The following ANK2 variants were observed in gnomAD, a reference collection of about 807,000 sequenced individuals.
ANK2 encodes ankyrin 2.
In ANK2, 83 loss-of-function variants were observed where a neutral mutation model predicts 360.5. The ratio of observed to expected loss-of-function variants is 0.23; its 90% confidence interval spans 0.19 to 0.28. The LOEUF (loss-of-function observed/expected upper bound fraction) is 0.28, where lower values mean the gene tolerates loss of function less well. Among genes scored for constraint, ANK2 ranks in the 10% least tolerant of loss-of-function variants. The pLI, the probability that ANK2 is intolerant of heterozygous loss-of-function variation, is 1.00. For missense variants in ANK2, 4,201 were observed against 4,795.7 expected (o/e 0.88, Z 3.66); for synonymous variants, 1,740 against 1,759.5 (o/e 0.99, Z 0.28).
At chr4:113,215,705 A>G (rs72673488) in intron 4 of ANK2, among the ~76,000 whole-genome samples, 16,369 of 152,164 alleles carry the variant, frequency 0.11, 1,034 homozygotes, top group East Asian at 0.18. Flanking sequence ...ACTATATACC[A>G]TATGCCAAGC....
intron 1 of ANK2, among the ~76,000 whole-genome samples, chr4:113,152,990 A>G (rs975718352): frequency 1.3e-5 from 2 of 152,194 alleles, no homozygotes; most frequent in African/African-American, 4.8e-5. Context: ...TCTTAAAGCT[A>G]TGTGAAAGCC....
intron 30 of ANK2, 189 bp downstream of exon 30, chr4:113,336,246 G>C: frequency 1.6e-6 from 1 of 619,180 alleles, no homozygotes; most frequent in East Asian, 2.9e-5. Flanking sequence ...CTTATATTTG[G>C]ACAATTAACC....
intron 2 of ANK2, among the ~76,000 whole-genome samples, chr4:112,950,961 A>G (rs996146864): frequency 8.0e-5 from 12 of 150,008 alleles, no homozygotes; most frequent in African/African-American, 2.7e-4. Context: ...GGGCGCCTGT[A>G]GTCCCAGCTA....
At chr4:112,999,592 C>T (rs28444313) in intron 2 of ANK2, among the ~76,000 whole-genome samples, 25,379 of 151,726 alleles carry the variant, frequency 0.17, 2,087 homozygotes, top group African/African-American at 0.22. Flanking sequence ...GAATACAAAG[C>T]CAGTGGTGAT....
chr4:113,170,903 G>T (rs1241802279), intron 1 of ANK2, among the ~76,000 whole-genome samples: 1 of 152,150 alleles, frequency 6.6e-6, no homozygotes, highest in Non-Finnish European at 1.5e-5. Flanking sequence ...AATAGGTGGG[G>T]CTCAGCATTG....
the ANK2 span, among the ~76,000 whole-genome samples, chr4:112,794,679 T>C: frequency 6.6e-6 from 1 of 152,216 alleles, no homozygotes; most frequent in African/African-American, 2.4e-5. Context: ...AGAAGCACTT[T>C]CTTCTGCCAT....
intron 39 of ANK2, among the ~76,000 whole-genome samples, chr4:113,362,544 A>T (rs991561783): frequency 2.6e-5 from 4 of 152,172 alleles, no homozygotes; most frequent in Admixed American, 6.6e-5. Flanking sequence ...TCCCAGGCTC[A>T]AGTGATCCTC....
Position 113,358,080 on chromosome 4 carries a change from T to C in ANK2, c.9462T>C (p.Ala3154=), listed in dbSNP as rs759479520. 2 of 1,614,106 alleles carry C rather than the reference T, an allele frequency of 1.2e-6. No homozygotes were observed. The highest frequency in any genetic ancestry group is 4.5e-5 in the East Asian group (2 of 44,880). Reference sequence around the variant, plus strand: ...ATGTGAAAGAAGGGGCTACTGGGGCTGATCCCCTACCGCTGGAGACATCAG... The same window carrying C: ...ATGTGAAAGAAGGGGCTACTGGGGCCGATCCCCTACCGCTGGAGACATCAG... ...SEDVKEGATG[A]DPLPLETSAE... The change falls in exon 38 of 46, where the codon GCT becomes GCC. Residue 3154 remains alanine, a synonymous_variant. Coordinates refer to ENST00000357077, the MANE Select transcript of ANK2 (RefSeq NM_001148.6).
At chr4:112,791,538 G>T in the ANK2 span, among the ~76,000 whole-genome samples, 4 of 146,362 alleles carry the variant, frequency 2.7e-5, no homozygotes, top group East Asian at 8.0e-4. Flanking sequence ...GCCCAGGCTG[G>T]AGTGCTGTGG....
At position 113,218,758 on chromosome 4, in the gene ANK2, A is replaced by G. The variant is rs1341664440; in HGVS notation, c.385-13403A>G. ...TAAGAAAACTATTTGGTAGTCATTC[A>G]TTTAAATAATTTTGGGGGGTGTAAT... is the stretch of plus-strand genomic sequence containing the variant. On this transcript the variant is annotated intron_variant, in intron 4 of 45. Coordinates refer to ENST00000357077, the MANE Select transcript of ANK2 (RefSeq NM_001148.6). Among the ~76,000 whole-genome samples the G allele has an allele frequency of 2.0e-5, 3 of 152,194 alleles. No homozygotes were observed. In the East Asian group the frequency reaches 5.8e-4, roughly 29 times the overall value.
At chr4:113,167,493 T>C (rs2097788190) in intron 1 of ANK2, among the ~76,000 whole-genome samples, 1 of 151,978 alleles carries the variant, frequency 6.6e-6, no homozygotes, top group Non-Finnish European at 1.5e-5. Flanking sequence ...GAAATGGGGT[T>C]TCACCATGTT....
At chr4:113,307,195 A>G (rs1034896553) in intron 23 of ANK2, among the ~76,000 whole-genome samples, 5 of 152,114 alleles carry the variant, frequency 3.3e-5, no homozygotes, top group African/African-American at 1.2e-4. Flanking sequence ...AGACTGGCTG[A>G]ATGTTGGGAT....
chr4:113,296,841 C>T (rs29319), intron 22 of ANK2, among the ~76,000 whole-genome samples: 17,346 of 152,058 alleles, frequency 0.11, 1,040 homozygotes, highest in African/African-American at 0.11. Context: ...CTCATCCTTC[C>T]GCTAATTGAT....
chr4:113,245,768 A>G (rs1585942528), intron 9 of ANK2, among the ~76,000 whole-genome samples: 2 of 152,124 alleles, frequency 1.3e-5, no homozygotes, highest in East Asian at 3.9e-4. Context: ...GGTTTTGACT[A>G]TATTTTTAGA....
chr4:113,104,321 C>T (rs1483279529), intron 1 of ANK2, among the ~76,000 whole-genome samples: 3 of 152,056 alleles, frequency 2.0e-5, no homozygotes, highest in Non-Finnish European at 2.9e-5. Context: ...TGTCTTTATA[C>T]AAAATAAAAC....
At chr4:113,246,446 T>G (rs2153588350) in intron 9 of ANK2, among the ~76,000 whole-genome samples, 1 of 152,330 alleles carries the variant, frequency 6.6e-6, no homozygotes, top group Non-Finnish European at 1.5e-5. Flanking sequence ...CAGAGCCTTT[T>G]ACTGGTATCT....
intron 26 of ANK2, among the ~76,000 whole-genome samples, chr4:113,329,394 C>A (rs2091629572): frequency 6.6e-6 from 1 of 152,068 alleles, no homozygotes; most frequent in Non-Finnish European, 1.5e-5. Context: ...AACAATTAAC[C>A]TAGAAGAAAA....
intron 2 of ANK2, among the ~76,000 whole-genome samples, chr4:112,941,533 A>G (rs1419364296): frequency 4.8e-5 from 5 of 104,278 alleles, no homozygotes; most frequent in African/African-American, 6.9e-5. Flanking sequence ...ATATATAATT[A>G]AAAACATATT....
At chr4:113,293,583 T>G (rs1022928437) in intron 22 of ANK2, 45 bp downstream of exon 22, 4 of 1,536,984 alleles carry the variant, frequency 2.6e-6, no homozygotes, top group African/African-American at 1.4e-5. Flanking sequence ...TATTCTTCGT[T>G]TTCAAACTAA....
Sources: allele counts gnomAD v4.1 joint callset (sites outside exome capture counted in the v4.1 genomes callset), GRCh38; gene constraint gnomAD v4.1.1; transcripts MANE v1.5; gene names NCBI Gene and HGNC (gene_info 2026-07-23, HGNC 2026-07-21).